Variants in DTD1 observed in about 807,000 individuals in gnomAD.
DTD1 encodes the protein D-aminoacyl-tRNA deacylase 1.
A neutral mutation model predicts 25.6 loss-of-function variants in DTD1; 13 were observed. The observed-to-expected ratio is 0.51, with a 90% CI of 0.33 to 0.81. The LOEUF (loss-of-function observed/expected upper bound fraction) is 0.81. DTD1 is among the 30% of genes least tolerant of loss of function. DTD1 has a pLI of 0.02. For missense variants in DTD1, 193 were observed against 266.4 expected (o/e 0.72, Z 1.92); for synonymous variants, 110 against 103.6 (o/e 1.06, Z -0.37).
rs1414080820 is a variant in DTD1 at position 18,609,203 on chromosome 20, C to T, written c.370+12962C>T. 2.6e-5 allele frequency among the ~76,000 whole-genome samples: 4 copies of T among 151,712 alleles called. No homozygotes were observed. In the South Asian group the frequency reaches 8.3e-4, roughly 31 times the overall value. The stretch of plus-strand genomic sequence containing the variant: ...TCACCCAGGCTGGAGTGCAGTGGTA[C>T]GAGATCTCCGCTCACTGCAACCTCC... On this transcript the variant is annotated intron_variant, in intron 3 of 5. Coordinates refer to ENST00000377452, the MANE Select transcript of DTD1 (RefSeq NM_080820.6).
intron 3 of DTD1, among the ~76,000 whole-genome samples, chr20:18,597,665 T>C (rs1357558091): frequency 6.6e-6 from 1 of 152,250 alleles, no homozygotes; most frequent in Non-Finnish European, 1.5e-5. Context: ...CTTAGCATAA[T>C]GTTTTCAAGG....
chr20:18,704,065 A>G (rs993269681), intron 4 of DTD1, among the ~76,000 whole-genome samples: 6 of 151,518 alleles, frequency 4.0e-5, no homozygotes, highest in East Asian at 1.9e-4. Flanking sequence ...CAGTGGCGCA[A>G]TCTTGGCTCA....
intron 4 of DTD1, among the ~76,000 whole-genome samples, chr20:18,729,556 G>A (rs904768695): frequency 6.6e-6 from 1 of 152,182 alleles, no homozygotes; most frequent in Non-Finnish European, 1.5e-5. Context: ...ATCAATAGTG[G>A]TTTTATTCCT....
chr20:18,601,238 G>A (rs1335104138), intron 3 of DTD1, among the ~76,000 whole-genome samples: 1 of 151,998 alleles, frequency 6.6e-6, no homozygotes, highest in Non-Finnish European at 1.5e-5. Flanking sequence ...CGTGCTTCAC[G>A]CCTGTAATCC....
chr20:18,708,135 G>T (rs1308276577), intron 4 of DTD1, among the ~76,000 whole-genome samples: 2 of 130,414 alleles, frequency 1.5e-5, no homozygotes, highest in East Asian at 4.4e-4. Flanking sequence ...ATATAAAGAA[G>T]GTAAAATAGC....
intron 4 of DTD1, among the ~76,000 whole-genome samples, chr20:18,652,796 G>A (rs1177545964): frequency 6.6e-6 from 1 of 152,176 alleles, no homozygotes; most frequent in Non-Finnish European, 1.5e-5. Context: ...AGACACAATA[G>A]GAAAAATGCT....
At chr20:18,728,407 C>T (rs2061229827) in intron 4 of DTD1, among the ~76,000 whole-genome samples, 1 of 152,188 alleles carries the variant, frequency 6.6e-6, no homozygotes, top group Admixed American at 6.5e-5. Flanking sequence ...GCCCTCTAGC[C>T]CAGCGCTTCC....
chr20:18,656,465 C>T (rs1469888505), intron 4 of DTD1, among the ~76,000 whole-genome samples: 1 of 152,196 alleles, frequency 6.6e-6, no homozygotes, highest in Non-Finnish European at 1.5e-5. Context: ...CTTGTGTCAC[C>T]ACCTGGTGAC....
At chr20:18,703,904 G>T (rs1299186213) in intron 4 of DTD1, among the ~76,000 whole-genome samples, 1 of 151,396 alleles carries the variant, frequency 6.6e-6, no homozygotes. Flanking sequence ...TTGAGCTCTA[G>T]ATGTGCCCCC....
chr20:18,612,542 G>GT (rs1343058034), intron 3 of DTD1, among the ~76,000 whole-genome samples: 1 of 152,188 alleles, frequency 6.6e-6, no homozygotes, highest in Admixed American at 6.5e-5. Context: ...CACTCAGCAC[G>GT]TAAGTGGCAG....
intron 4 of DTD1, among the ~76,000 whole-genome samples, chr20:18,732,649 A>G (rs2061242561): frequency 6.6e-6 from 1 of 152,250 alleles, no homozygotes; most frequent in Non-Finnish European, 1.5e-5. Context: ...TTAGAAGTGC[A>G]GTCGATACCT....
chr20:18,638,170 CCCAT>C (rs55689427), intron 4 of DTD1, among the ~76,000 whole-genome samples: 6,518 of 150,510 alleles, frequency 0.043, 327 homozygotes, highest in African/African-American at 0.11. Flanking sequence ...CCTCCATCTG[CCCAT>C]CCATCCATCC....
At chr20:18,690,154 A>AAT (rs1348098343) in intron 4 of DTD1, among the ~76,000 whole-genome samples, 2 of 150,074 alleles carry the variant, frequency 1.3e-5, no homozygotes, top group Non-Finnish European at 3.0e-5. Flanking sequence ...AAAAAAAAAA[A>AAT]TTAAAAAATA....
chr20:18,654,979 AAATT>A (rs1449015415), intron 4 of DTD1, among the ~76,000 whole-genome samples: 6 of 152,348 alleles, frequency 3.9e-5, no homozygotes, highest in African/African-American at 1.2e-4. Context: ...ATGATTCAGA[AAATT>A]AATAAATGCT....
intron 3 of DTD1, among the ~76,000 whole-genome samples, chr20:18,613,664 A>G (rs1414101741): frequency 6.6e-6 from 1 of 152,178 alleles, no homozygotes; most frequent in Non-Finnish European, 1.5e-5. Flanking sequence ...CCTTTCAGAA[A>G]CAAGTGTCAT....
intron 5 of DTD1, among the ~76,000 whole-genome samples, chr20:18,752,523 A>T (rs1363129139): frequency 6.6e-6 from 1 of 151,818 alleles, no homozygotes; most frequent in Non-Finnish European, 1.5e-5. Context: ...GATTTCTATT[A>T]TTTCCTTTTG....
At chr20:18,728,091 G>A (rs1484496969) in intron 4 of DTD1, among the ~76,000 whole-genome samples, 1 of 152,182 alleles carries the variant, frequency 6.6e-6, no homozygotes, top group Non-Finnish European at 1.5e-5. Context: ...ACCCTGGAGG[G>A]GTTTTCAGTC....
intron 4 of DTD1, among the ~76,000 whole-genome samples, chr20:18,704,471 A>T (rs1250868959): frequency 6.6e-6 from 1 of 152,144 alleles, no homozygotes; most frequent in African/African-American, 2.4e-5. Context: ...TGGGGAAAAG[A>T]TGCCTAACCA....
chr20:18,677,607 G>C, intron 4 of DTD1, among the ~76,000 whole-genome samples: 1 of 152,128 alleles, frequency 6.6e-6, no homozygotes, highest in South Asian at 2.1e-4. Context: ...AACAAACACT[G>C]ATTAATGCAG....
Sources: gnomAD v4.1 joint callset for allele counts (sites outside exome capture counted in the v4.1 genomes callset) on GRCh38, gnomAD v4.1.1 for gene constraint, MANE v1.5 for transcripts, NCBI Gene and HGNC (gene_info 2026-07-23, HGNC 2026-07-21) for gene names.